Variants in RUNX2 observed in about 807,000 individuals in gnomAD.
RUNX2 encodes RUNX family transcription factor 2.
A neutral mutation model predicts 51.7 loss-of-function variants in RUNX2; 10 were observed. That is an observed-to-expected ratio of 0.19 (90% CI 0.12 to 0.33). RUNX2 has a LOEUF of 0.33. Ranked by LOEUF, RUNX2 falls within the 10% of genes least tolerant of loss-of-function variation. RUNX2 has a pLI of 1.00. For missense variants in RUNX2, 562 were observed against 691.3 expected, an observed-to-expected ratio of 0.81 and a Z score of 2.10; for synonymous variants, 276 against 273.6, an observed-to-expected ratio of 1.01 and a Z score of -0.09.
Position 45,547,201 on chromosome 6 carries a change from C to T in RUNX2, c.1462C>T (p.Pro488Ser), listed in dbSNP as rs1041952480. ...NGSTLLNPNL[P>S]NQNDGVDADG... is the part of the protein sequence containing the mutation. ...CAGCACGCTATTAAATCCAAATTTG[C>T]CTAACCAGAATGATGGTGTTGACGC... The change falls in exon 9 of 9, where the codon CCT (proline) becomes TCT (serine). Residue 488 changes from proline to serine, a missense_variant. Pro to Ser is a moderately conservative substitution (Grantham distance 74). Coordinates refer to ENST00000647337, the MANE Select transcript of RUNX2 (RefSeq NM_001024630.4). 4.3e-6 allele frequency: 7 copies of T among 1,614,066 alleles called. No homozygotes were observed. In the African/African-American group the frequency reaches 8.0e-5, roughly 18 times the overall value.
chr6:45,369,145 A>C (rs1327682149), intron 2 of RUNX2, among the ~76,000 whole-genome samples: 9 of 152,142 alleles, frequency 5.9e-5, no homozygotes, highest in Non-Finnish European at 1.3e-4. Flanking sequence ...CCTGGTTTAT[A>C]AACTTATCTC....
At chr6:45,433,829 A>G (rs1798609488) in intron 4 of RUNX2, among the ~76,000 whole-genome samples, 1 of 152,218 alleles carries the variant, frequency 6.6e-6, no homozygotes, top group African/African-American at 2.4e-5. Context: ...CTTTTCACGC[A>G]TGGAAGATGA....
chr6:45,521,760 C>G (rs1483843072), intron 7 of RUNX2, among the ~76,000 whole-genome samples: 1 of 152,162 alleles, frequency 6.6e-6, no homozygotes, highest in Non-Finnish European at 1.5e-5. Flanking sequence ...GGTCATCCTA[C>G]TGGTCTGGTC....
chr6:45,485,392 G>A (rs961640714), intron 5 of RUNX2, among the ~76,000 whole-genome samples: 10 of 151,436 alleles, frequency 6.6e-5, no homozygotes, highest in Non-Finnish European at 1.5e-4. Flanking sequence ...AGTAGAAACG[G>A]GGTTTCTCAA....
chr6:45,515,562 A>G (rs2150424619), intron 7 of RUNX2, among the ~76,000 whole-genome samples: 1 of 152,302 alleles, frequency 6.6e-6, no homozygotes, highest in African/African-American at 2.4e-5. Context: ...TTTAAAGGGG[A>G]CTTTTCCTTC....
intron 2 of RUNX2, among the ~76,000 whole-genome samples, chr6:45,355,807 C>T (rs1046838272): frequency 6.6e-6 from 1 of 151,942 alleles, no homozygotes; most frequent in African/African-American, 2.4e-5. Flanking sequence ...GGTTGTATTC[C>T]AAGTCTGAAT....
At chr6:45,370,942 A>C (rs1795963878) in intron 2 of RUNX2, among the ~76,000 whole-genome samples, 1 of 152,214 alleles carries the variant, frequency 6.6e-6, no homozygotes, top group African/African-American at 2.4e-5. Flanking sequence ...TTGCAAAAAC[A>C]GTCCCTAAGG....
chr6:45,544,930 G>A (rs1284540970), intron 7 of RUNX2, among the ~76,000 whole-genome samples: 1 of 152,222 alleles, frequency 6.6e-6, no homozygotes, highest in African/African-American at 2.4e-5. Flanking sequence ...GGAATAGGTA[G>A]AGGCTAGTTG....
intron 7 of RUNX2, among the ~76,000 whole-genome samples, chr6:45,529,067 A>G (rs1285653639): frequency 6.6e-6 from 1 of 152,194 alleles, no homozygotes; most frequent in Non-Finnish European, 1.5e-5. Flanking sequence ...CATGCCCTAA[A>G]AGGAGATTCC....
chr6:45,343,004 G>A (rs1790127653), intron 2 of RUNX2, among the ~76,000 whole-genome samples: 2 of 152,106 alleles, frequency 1.3e-5, no homozygotes, highest in African/African-American at 4.8e-5. Flanking sequence ...AGCTCCCTGT[G>A]TCTCAATTTC....
chr6:45,508,840 T>G (rs1240838015), intron 6 of RUNX2, among the ~76,000 whole-genome samples: 11 of 152,218 alleles, frequency 7.2e-5, no homozygotes. Flanking sequence ...AGAGAATTAC[T>G]AATTATGACT....
chr6:45,354,245 TAAC>T (rs1255514265), intron 2 of RUNX2, among the ~76,000 whole-genome samples: 2 of 152,042 alleles, frequency 1.3e-5, no homozygotes, highest in African/African-American at 4.8e-5. Context: ...CCTAATTACT[TAAC>T]AGCAGGGATT....
chr6:45,461,018 G>T (rs1018559208), intron 5 of RUNX2, among the ~76,000 whole-genome samples: 7 of 152,186 alleles, frequency 4.6e-5, no homozygotes, highest in Admixed American at 2.0e-4. Context: ...GAAGAAAATG[G>T]TTATGATGGA....
chr6:45,365,471 A>C (rs1475322048), intron 2 of RUNX2, among the ~76,000 whole-genome samples: 2 of 151,994 alleles, frequency 1.3e-5, no homozygotes, highest in Non-Finnish European at 2.9e-5. Context: ...TTAAAATGAA[A>C]TAGCAAGGTG....
chr6:45,329,669 A>G (rs1787065965), intron 2 of RUNX2, among the ~76,000 whole-genome samples: 1 of 151,966 alleles, frequency 6.6e-6, no homozygotes, highest in Non-Finnish European at 1.5e-5. Context: ...ACCCTGTATG[A>G]TTTTTAAAAG....
Position 45,549,603 on chromosome 6 carries a change from T to C in RUNX2, c.*2298T>C, listed in dbSNP as rs1384938193. 4.2e-5 allele frequency: 16 copies of C among 382,788 alleles called. No homozygotes were observed. Among genetic ancestry groups the C allele is most frequent in the Admixed American group, 4.0e-4 (9 of 22,238 alleles). 23.7% of individuals were successfully genotyped at this position (382,788 alleles called of 1,614,324 possible). A position where few individuals can be genotyped will look rare whatever the true frequency, so the allele number is the denominator to read the frequency against. ...TCCATTTATTTGTAAGTGTAAAATA[T>C]GTGTGTTTGTTTCAGCAGCACTTAA... On this transcript the variant is annotated 3_prime_UTR_variant, in exon 9 of 9. Transcript: ENST00000647337.
intron 3 of RUNX2, among the ~76,000 whole-genome samples, chr6:45,431,421 T>G (rs1484376237): frequency 6.6e-6 from 1 of 152,172 alleles, no homozygotes; most frequent in African/African-American, 2.4e-5. Flanking sequence ...TCCCATAAAG[T>G]TGACCAGACT....
intron 2 of RUNX2, among the ~76,000 whole-genome samples, chr6:45,417,649 A>G (rs998770153): frequency 1.3e-5 from 2 of 152,168 alleles, no homozygotes; most frequent in Non-Finnish European, 2.9e-5. Flanking sequence ...ACTTTTCTGT[A>G]AAAAGTCAGT....
chr6:45,483,713 G>A (rs925588821), intron 5 of RUNX2, among the ~76,000 whole-genome samples: 2 of 152,154 alleles, frequency 1.3e-5, no homozygotes, highest in African/African-American at 2.4e-5. Flanking sequence ...CAAGGCTCTC[G>A]AGACAGGAAA....
Sources: gnomAD v4.1 joint callset for allele counts (sites outside exome capture counted in the v4.1 genomes callset) on GRCh38, gnomAD v4.1.1 for gene constraint, MANE v1.5 for transcripts, NCBI Gene and HGNC (gene_info 2026-07-23, HGNC 2026-07-21) for gene names.